PPM1B: variants seen among roughly 807,000 people sequenced by gnomAD.
The protein encoded by PPM1B is protein phosphatase 1B.
PPM1B carries 22 observed loss-of-function variants against 43.0 expected under a neutral mutation model. That is an observed-to-expected ratio of 0.51 (90% CI 0.37 to 0.73). The LOEUF (loss-of-function observed/expected upper bound fraction) is 0.73. Among genes scored for constraint, PPM1B ranks in the 30% least tolerant of loss-of-function variants. The pLI, the probability that PPM1B is intolerant of heterozygous loss-of-function variation, is 0.00. For missense variants in PPM1B, 632 were observed against 584.2 expected (o/e 1.08, Z -0.84); for synonymous variants, 217 against 197.9 (o/e 1.10, Z -0.81).
intron 5 of PPM1B, 56 bp downstream of exon 5, chr2:44,218,593 A>T: frequency 1.7e-6 from 2 of 1,171,866 alleles, no homozygotes; most frequent in Middle Eastern, 2.0e-4. Flanking sequence ...ATAAATACTA[A>T]ATATGAATAC....
At chr2:44,206,188 A>G (rs1385347027) in intron 2 of PPM1B, among the ~76,000 whole-genome samples, 1 of 152,210 alleles carries the variant, frequency 6.6e-6, no homozygotes, top group Non-Finnish European at 1.5e-5. Flanking sequence ...CAATTTTTAT[A>G]TGCAGAGCTA....
At chr2:44,180,341 C>G (rs1420867051) in intron 1 of PPM1B, among the ~76,000 whole-genome samples, 1 of 152,096 alleles carries the variant, frequency 6.6e-6, no homozygotes, top group Non-Finnish European at 1.5e-5. Flanking sequence ...TACTCTATGC[C>G]CATCATCAGG....
intron 5 of PPM1B, among the ~76,000 whole-genome samples, chr2:44,219,447 G>C (rs1439966631): frequency 6.6e-6 from 1 of 151,900 alleles, no homozygotes; most frequent in Non-Finnish European, 1.5e-5. Context: ...TATTTGCTAG[G>C]ATTCATTGTT....
At chr2:44,223,076 C>T (rs1184242045) in intron 5 of PPM1B, among the ~76,000 whole-genome samples, 1 of 152,182 alleles carries the variant, frequency 6.6e-6, no homozygotes, top group Admixed American at 6.5e-5. Context: ...AAGTTATCTT[C>T]CTACCTCAGC....
At position 44,201,305 on chromosome 2, in the gene PPM1B, A is replaced by C; in HGVS notation, c.106A>C (p.Met36Leu). The change falls in exon 2 of 6, where the codon ATG (methionine) becomes CTG (leucine). Residue 36 changes from methionine (M) to leucine (L), a missense_variant. Met to Leu is a conservative substitution (Grantham distance 15, BLOSUM62 2). Transcript: ENST00000282412. The surrounding 1 kb of genome is among the most constrained non-coding windows in gnomAD (Gnocchi z 5.4). ...CAGCATGCAAGGATGGAGAGTGGAA[A>C]TGGAAGATGCACACACAGCTGTTGT... The part of the protein sequence containing the change: ...LSSMQGWRVE[M>L]EDAHTAVVGI... 6.2e-7 allele frequency: 1 copy of C among 1,614,188 alleles called. No homozygotes were observed. The highest frequency in any genetic ancestry group is 8.5e-7 in the Non-Finnish European group (1 of 1,180,032).
At chr2:44,233,731 A>T, downstream of PPM1B, 1 of 985,888 alleles carries the variant, frequency 1.0e-6, no homozygotes, top group Non-Finnish European at 1.2e-6. Context: ...ATTTAAATAC[A>T]GACAGCTTTC....
chr2:44,179,556 T>C (rs1023881059), intron 1 of PPM1B, among the ~76,000 whole-genome samples: 1 of 152,164 alleles, frequency 6.6e-6, no homozygotes, highest in Non-Finnish European at 1.5e-5. Context: ...TCCATCTTCC[T>C]ATTAGTTTTC....
chr2:44,183,868 A>G (rs1034660690), intron 1 of PPM1B, among the ~76,000 whole-genome samples: 1 of 152,134 alleles, frequency 6.6e-6, no homozygotes, highest in Non-Finnish European at 1.5e-5. Context: ...CCTCCAGAGT[A>G]GCTGGGACTA....
chr2:44,186,273 A>G (rs1453967538), intron 1 of PPM1B, among the ~76,000 whole-genome samples: 10 of 152,252 alleles, frequency 6.6e-5, no homozygotes, highest in Non-Finnish European at 1.5e-5. Context: ...GTACTTGGCT[A>G]TATCATAGAA....
intron 5 of PPM1B, among the ~76,000 whole-genome samples, chr2:44,229,553 A>T (rs1490322989): frequency 6.6e-6 from 1 of 152,174 alleles, no homozygotes; most frequent in Non-Finnish European, 1.5e-5. Flanking sequence ...TGTGTGCTCT[A>T]ACTTGATCCT....
intron 3 of PPM1B, among the ~76,000 whole-genome samples, chr2:44,212,349 A>G (rs763958098): frequency 6.6e-6 from 1 of 152,144 alleles, no homozygotes; most frequent in African/African-American, 2.4e-5. Context: ...ACTCTCATGC[A>G]TATGCCTTCC....
downstream of PPM1B, among the ~76,000 whole-genome samples, chr2:44,239,561 A>G (rs920985325): frequency 6.6e-6 from 1 of 151,786 alleles, no homozygotes; most frequent in African/African-American, 2.4e-5. Flanking sequence ...ATATATTTTC[A>G]TTTTCATATC....
chr2:44,207,106 A>G (rs1043230222), intron 2 of PPM1B, among the ~76,000 whole-genome samples: 2 of 152,204 alleles, frequency 1.3e-5, no homozygotes, highest in Non-Finnish European at 2.9e-5. Flanking sequence ...AAGCACAACA[A>G]TCTGTGACAA....
At chr2:44,176,943 G>A (rs1219161113) in intron 1 of PPM1B, among the ~76,000 whole-genome samples, 2 of 152,134 alleles carry the variant, frequency 1.3e-5, no homozygotes, top group East Asian at 1.9e-4. Context: ...ACCACGCCCA[G>A]CTAATTTTGT....
At chr2:44,246,168 G>T (rs998062732), downstream of PPM1B, among the ~76,000 whole-genome samples, 1 of 152,054 alleles carries the variant, frequency 6.6e-6, no homozygotes, top group Non-Finnish European at 1.5e-5. Flanking sequence ...ACCCAGAACT[G>T]AACATTTATG....
chr2:44,212,533 T>C (rs1669519251), intron 3 of PPM1B, among the ~76,000 whole-genome samples: 1 of 152,220 alleles, frequency 6.6e-6, no homozygotes, highest in Non-Finnish European at 1.5e-5. Flanking sequence ...GACAAAATTA[T>C]TCAGGAACAT....
intron 2 of PPM1B, among the ~76,000 whole-genome samples, chr2:44,206,872 A>G (rs761436564): frequency 6.6e-6 from 1 of 152,144 alleles, no homozygotes; most frequent in Non-Finnish European, 1.5e-5. Flanking sequence ...TGATTCTTGA[A>G]TATCCATGGT....
At chr2:44,235,236 T>C (rs1184773988), downstream of PPM1B, among the ~76,000 whole-genome samples, 1 of 152,224 alleles carries the variant, frequency 6.6e-6, no homozygotes, top group East Asian at 1.9e-4. Flanking sequence ...CATGAATTAG[T>C]CATTTGGAAA....
chr2:44,214,881 T>G (rs1669651611), intron 3 of PPM1B, among the ~76,000 whole-genome samples: 1 of 152,228 alleles, frequency 6.6e-6, no homozygotes, highest in South Asian at 2.1e-4. Context: ...GAATTATGTT[T>G]GTTAAGCACC....
Sources: gnomAD v4.1 joint callset for allele counts (sites outside exome capture counted in the v4.1 genomes callset) on GRCh38, gnomAD v4.1.1 for gene constraint, Gnocchi (gnomAD v3.1) non-coding constraint, MANE v1.5 for transcripts, NCBI Gene and HGNC (gene_info 2026-07-23, HGNC 2026-07-21) for gene names.